The following ANKRD36B variants were observed in gnomAD, a reference collection of about 807,000 sequenced individuals.
ANKRD36B encodes ankyrin repeat domain 36B.
In ANKRD36B, 37 loss-of-function variants were observed where a neutral mutation model predicts 135.7. The ratio of observed to expected loss-of-function variants is 0.27; its 90% CI spans 0.21 to 0.36. The LOEUF is 0.36. Among genes scored for constraint, ANKRD36B ranks in the 10% least tolerant of loss-of-function variants. The pLI is 1.00. For missense variants in ANKRD36B, 549 were observed against 1,037.1 expected, an observed-to-expected ratio of 0.53 and a Z score of 6.46; for synonymous variants, 179 against 348.1, an observed-to-expected ratio of 0.51 and a Z score of 5.41.
chr2:97,496,833 G>GTATATATATATATATA (rs56775263), intron 43 of ANKRD36B, among the ~76,000 whole-genome samples: 100 of 62,026 alleles, frequency 1.6e-3, no homozygotes, highest in African/African-American at 8.6e-3. Flanking sequence ...ATATGTGTGT[G>GTATATATATATATATA]TATATATATA....
chr2:97,556,563 C>T lies in ANKRD36B; in HGVS notation c.1069+374G>A, dbSNP rs561060174. 1.3e-4 allele frequency among the ~76,000 whole-genome samples: 20 copies of T among 151,940 alleles called. No homozygotes were observed. The East Asian group carries it at 3.7e-3, about 28-fold the overall frequency. On this transcript the variant is annotated intron_variant, in intron 12 of 43. Coordinates refer to ENST00000359901, the MANE Select transcript of ANKRD36B (RefSeq NM_001393939.1). ...TACGGGTTATTATGACAACTTCCTC[C>T]CTCTGGTTTTAGCAGTACCATCTGA... is the stretch of plus-strand genomic sequence containing the variant.
At chr2:97,565,032 C>T (rs1363141457) in intron 6 of ANKRD36B, among the ~76,000 whole-genome samples, 1 of 133,192 alleles carries the variant, frequency 7.5e-6, no homozygotes, top group Non-Finnish European at 1.7e-5. Context: ...ATTTGTTTGT[C>T]TCTTATTTCC....
At chr2:97,572,740 T>TA (rs201219626) in intron 6 of ANKRD36B, among the ~76,000 whole-genome samples, 13,433 of 145,274 alleles carry the variant, frequency 0.092, 995 homozygotes, top group African/African-American at 0.21. Context: ...GGGACGAAAT[T>TA]AAAAAAAAAA....
At chr2:97,561,554 G>A (rs1730375) in intron 6 of ANKRD36B, among the ~76,000 whole-genome samples, 15 of 151,902 alleles carry the variant, frequency 9.9e-5, no homozygotes, top group Non-Finnish European at 5.9e-5. Flanking sequence ...ATCAAAAAGT[G>A]TAATAAATTA....
chr2:97,560,809 C>A (rs1559194450), intron 7 of ANKRD36B, 23 bp downstream of exon 7: 1 of 1,580,248 alleles, frequency 6.3e-7, no homozygotes, highest in Non-Finnish European at 8.6e-7. Context: ...AATAGTTCAA[C>A]ATATAAATGA....
intron 10 of ANKRD36B, among the ~76,000 whole-genome samples, chr2:97,557,528 A>T (rs2080639961): frequency 6.6e-6 from 1 of 151,878 alleles, no homozygotes; most frequent in African/African-American, 2.4e-5. Context: ...CATCAGAGGG[A>T]TTTATACCAT....
At chr2:97,557,709 C>A (rs1294097581) in intron 10 of ANKRD36B, among the ~76,000 whole-genome samples, 5 of 151,804 alleles carry the variant, frequency 3.3e-5, no homozygotes, top group Non-Finnish European at 5.9e-5. Flanking sequence ...TTCTTTATTT[C>A]TCAAACCCAT....
In ANKRD36B at chr2:97,580,443, T is replaced by C; in HGVS notation, c.557+19A>G. On this transcript the variant is annotated intron_variant, in intron 4 of 43. Transcript: ENST00000359901. The stretch of plus-strand genomic sequence containing the variant: ...ACACTCAGGTTTAAAAACAACACAA[T>C]AAGAACTAAGGTCTGTACCTGCCAA... 2 of 1,517,384 alleles carry C rather than the reference T, an allele frequency of 1.3e-6. No individual in the cohort carries two copies. Among genetic ancestry groups the C allele is most frequent in the Non-Finnish European group, 1.8e-6 (2 of 1,129,578 alleles). 94.0% of individuals were successfully genotyped at this position (1,517,384 alleles called of 1,614,324 possible).
chr2:97,562,474 A>G (rs1276389179), intron 6 of ANKRD36B, among the ~76,000 whole-genome samples: 1 of 151,986 alleles, frequency 6.6e-6, no homozygotes, highest in Non-Finnish European at 1.5e-5. Context: ...TTGATGTCCA[A>G]AACTTCTAGG....
intron 6 of ANKRD36B, among the ~76,000 whole-genome samples, chr2:97,576,140 AG>A (rs2082220173): frequency 6.6e-6 from 1 of 151,228 alleles, no homozygotes; most frequent in African/African-American, 2.4e-5. Context: ...TTACACAAAA[AG>A]GTCATCTAGA....
chr2:97,540,768 C>T lies in ANKRD36B; in HGVS notation c.1886-539G>A, dbSNP rs1237937797. 2.1e-5 allele frequency among the ~76,000 whole-genome samples: 2 copies of T among 96,672 alleles called. 1 individual carries two copies. The highest frequency in any genetic ancestry group is 6.2e-5 in the African/African-American group (2 of 32,414). 63.4% of individuals were successfully genotyped at this position (96,672 alleles called of 152,430 possible). A position where few individuals can be genotyped will look rare whatever the true frequency, so the allele number is the denominator to read the frequency against. ...GTCCTAAATTGATCACCTTGGATAT[C>T]TGTTTGCTGAAACTGAGTAGATAAT... On this transcript the variant is annotated intron_variant, in intron 28 of 43. Coordinates refer to ENST00000359901, the MANE Select transcript of ANKRD36B (RefSeq NM_001393939.1).
Position 97,555,733 on chromosome 2 carries a change from G to GTA in ANKRD36B, c.1070-481_1070-480dup, listed in dbSNP as rs561100138. Reference sequence around the variant, plus strand: ...AATTACAATGACACTTCAGATGAATGTACACTTCACGTCTCTTAAGTGGAA... The same window carrying GTA: ...AATTACAATGACACTTCAGATGAATGTATACACTTCACGTCTCTTAAGTGGAA... On this transcript the variant is annotated intron_variant, in intron 12 of 43. Transcript: ENST00000359901. Among the ~76,000 whole-genome samples, 483 of 152,000 alleles carry GTA rather than the reference G, an allele frequency of 3.2e-3. 6 individuals are homozygous for GTA. Among genetic ancestry groups the GTA allele is most frequent in the Non-Finnish European group, 2.9e-3 (199 of 67,922 alleles).
At chr2:97,531,572 AAAG>A (rs1253460017) in intron 35 of ANKRD36B, among the ~76,000 whole-genome samples, 1 of 95,740 alleles carries the variant, frequency 1.0e-5, no homozygotes, top group African/African-American at 3.1e-5. Flanking sequence ...TAAAATAAAA[AAAG>A]AAAAGCAAAT....
At chr2:97,546,467 A>C (rs1245082722) in intron 22 of ANKRD36B, among the ~76,000 whole-genome samples, 2 of 151,732 alleles carry the variant, frequency 1.3e-5, no homozygotes, top group Non-Finnish European at 2.9e-5. Flanking sequence ...AATTTGCCTA[A>C]GTTTCTTGTA....
At chr2:97,559,501 T>TA (rs1444465677) in intron 8 of ANKRD36B, among the ~76,000 whole-genome samples, 3 of 151,986 alleles carry the variant, frequency 2.0e-5, no homozygotes, top group Non-Finnish European at 4.4e-5. Flanking sequence ...GGAAATGTCC[T>TA]AAATTGATCA....
intron 24 of ANKRD36B, 107 bp downstream of exon 24, chr2:97,545,559 T>C: frequency 1.6e-6 from 1 of 635,386 alleles, no homozygotes. Flanking sequence ...TCAGGAATAC[T>C]AAATCAGAAC....
intron 6 of ANKRD36B, among the ~76,000 whole-genome samples, chr2:97,566,545 A>C (rs771894334): frequency 9.2e-5 from 14 of 152,150 alleles, no homozygotes; most frequent in Non-Finnish European, 1.9e-4. Flanking sequence ...TGTACTTATC[A>C]AATGCAAAGA....
In ANKRD36B at chr2:97,530,019, C is replaced by G. The variant is rs547360369; in HGVS notation, c.2265+2292G>C. Reference sequence around the variant, plus strand: ...GAATCAGTGCCATCCCCATCAAGCTCCCAATGACTTTCTTCACTGAATTGG... The same window carrying G: ...GAATCAGTGCCATCCCCATCAAGCTGCCAATGACTTTCTTCACTGAATTGG... On this transcript the variant is annotated intron_variant, in intron 35 of 43. Coordinates refer to ENST00000359901, the MANE Select transcript of ANKRD36B (RefSeq NM_001393939.1). Among the ~76,000 whole-genome samples, 3 of 95,750 alleles carry G rather than the reference C, an allele frequency of 3.1e-5. 1 individual carries two copies. The highest frequency in any genetic ancestry group is 9.4e-5 in the African/African-American group (3 of 31,788). 62.8% of individuals were successfully genotyped at this position (95,750 alleles called of 152,430 possible).
intron 4 of ANKRD36B, 129 bp downstream of exon 4, chr2:97,580,333 T>A: frequency 3.8e-6 from 3 of 787,170 alleles, no homozygotes; most frequent in Non-Finnish European, 5.8e-6. Context: ...GTGTTGATAT[T>A]TCTCACTATA....
Sources: allele counts gnomAD v4.1 joint callset (sites outside exome capture counted in the v4.1 genomes callset), GRCh38; gene constraint gnomAD v4.1.1; transcripts MANE v1.5; gene names NCBI Gene and HGNC (gene_info 2026-07-23, HGNC 2026-07-21).